The following DNAH6 variants were observed in gnomAD, a reference collection of about 807,000 sequenced individuals.
DNAH6 encodes the protein axonemal beta dynein heavy chain 6.
Under a neutral mutation model 491.4 loss-of-function variants are expected in DNAH6, and 340 were observed. That is an observed-to-expected ratio of 0.69 (90% CI 0.63 to 0.76). The LOEUF (loss-of-function observed/expected upper bound fraction) is 0.76, where lower values mean the gene tolerates loss of function less well. Among genes scored for constraint, DNAH6 ranks in the 30% least tolerant of loss-of-function variants. The pLI is 0.00. For missense variants in DNAH6, 4,443 were observed against 4,972.2 expected (o/e 0.89, Z 3.20); for synonymous variants, 1,603 against 1,686.1 (o/e 0.95, Z 1.21).
chr2:84,641,549 G>A lies in DNAH6; in HGVS notation c.4971-398G>A, dbSNP rs565589889. Among the ~76,000 whole-genome samples the A allele has an allele frequency of 3.7e-4, 56 of 152,304 alleles. No individual in the cohort carries two copies. In the South Asian group the frequency reaches 7.7e-3, roughly 21 times the overall value. Reference sequence around the variant, plus strand: ...TCACTGAGAAGGAGGATAGAGGACAGGAGCTTTCTAGAAAAGGGAGTCACT... The same window carrying A: ...TCACTGAGAAGGAGGATAGAGGACAAGAGCTTTCTAGAAAAGGGAGTCACT... On this transcript the variant is annotated intron_variant, in intron 32 of 76. Coordinates refer to ENST00000389394, the MANE Select transcript of DNAH6 (RefSeq NM_001370.2).
chr2:84,604,584 A>T (rs1007128167), intron 19 of DNAH6, 33 bp downstream of exon 19: 1 of 1,476,498 alleles, frequency 6.8e-7, no homozygotes, highest in Non-Finnish European at 9.1e-7. Context: ...TCTATATACC[A>T]TTAGGGAATG....
At chr2:84,509,069 A>G in the DNAH6 span, among the ~76,000 whole-genome samples, 1 of 152,186 alleles carries the variant, frequency 6.6e-6, no homozygotes, top group African/African-American at 2.4e-5. Context: ...AGAGTTCTGT[A>G]GATGTCTATT....
intron 64 of DNAH6, among the ~76,000 whole-genome samples, chr2:84,779,107 A>G (rs1676428158): frequency 6.6e-6 from 1 of 152,146 alleles, no homozygotes; most frequent in African/African-American, 2.4e-5. Flanking sequence ...AAAAAAATGT[A>G]TATTCTGTGG....
At chr2:84,579,466 A>G (rs1558745878) in intron 13 of DNAH6, 61 bp from the exon 14 acceptor site, 8 of 1,563,304 alleles carry the variant, frequency 5.1e-6, no homozygotes, top group Non-Finnish European at 7.0e-6. Context: ...GATTTGTCTG[A>G]AATACATAAT....
At chr2:84,577,231 T>C (rs775902403) in intron 12 of DNAH6, 26 bp from the exon 13 acceptor site, 17 of 1,449,372 alleles carry the variant, frequency 1.2e-5, no homozygotes, top group Non-Finnish European at 9.4e-7. Flanking sequence ...GTATATTTTA[T>C]GCTTTATGTG....
chr2:84,572,433 T>C (rs529972209), intron 11 of DNAH6, among the ~76,000 whole-genome samples: 27 of 152,366 alleles, frequency 1.8e-4, no homozygotes, highest in Middle Eastern at 3.4e-3. Flanking sequence ...ATATTGTTTC[T>C]AGCACCTGCA....
At chr2:84,573,383 CTTGTTTCT>C in intron 11 of DNAH6, 76 bp from the exon 12 acceptor site, 1 of 1,184,690 alleles carries the variant, frequency 8.4e-7, no homozygotes, top group Non-Finnish European at 1.2e-6. Flanking sequence ...TGTGTGCTTG[CTTGTTTCT>C]TTGTTTAGTT....
chr2:84,733,598 C>G lies in DNAH6; in HGVS notation c.10342+19C>G, dbSNP rs561539616. ...CGCTTAGGTAATGTGACAAAAAGAA[C>G]CTGCTGAGGAGGCTTATAAACAGGC... On this transcript the variant is annotated intron_variant, in intron 62 of 76. Transcript: ENST00000389394. 5 of 1,548,910 alleles carry G rather than the reference C, an allele frequency of 3.2e-6. No homozygotes were observed. In the East Asian group the frequency reaches 1.2e-4, roughly 38 times the overall value.
At chr2:84,812,302 C>A in intron 72 of DNAH6, 39 bp from the exon 73 acceptor site, 1 of 1,526,182 alleles carries the variant, frequency 6.6e-7, no homozygotes, top group Non-Finnish European at 8.9e-7. Context: ...TGGATAATGA[C>A]ATCTGCAAAG....
chr2:84,778,919 A>G (rs1676406991), intron 64 of DNAH6, among the ~76,000 whole-genome samples: 1 of 152,318 alleles, frequency 6.6e-6, no homozygotes, highest in African/African-American at 2.4e-5. Flanking sequence ...GTCACTCAGA[A>G]TAAAGTTGTT....
At position 84,700,954 on chromosome 2, in the gene DNAH6, C is replaced by G. The variant is rs1695846332; in HGVS notation, c.7819-143C>G. On this transcript the variant is annotated intron_variant, in intron 48 of 76. Transcript: ENST00000389394. ...GGACAGAGCCCTTCAGTTCATTAAG[C>G]ACCATAGACATGAGTAGGAGTTAAC... The G allele has an allele frequency of 1.3e-5, 12 of 936,610 alleles. No individual in the cohort carries two copies. In the South Asian group the frequency reaches 1.8e-4, roughly 14 times the overall value. 58.0% of individuals were successfully genotyped at this position (936,610 alleles called of 1,614,324 possible).
At chr2:84,474,294 C>CTA in the DNAH6 span, among the ~76,000 whole-genome samples, 3 of 152,164 alleles carry the variant, frequency 2.0e-5, no homozygotes, top group African/African-American at 7.2e-5. Context: ...CAAGTAGGCT[C>CTA]TATATGACCC....
chr2:84,638,066 C>A (rs1689039301), intron 31 of DNAH6, among the ~76,000 whole-genome samples: 1 of 151,292 alleles, frequency 6.6e-6, no homozygotes. Context: ...CCCGTCCCTA[C>A]CAAAAATATA....
intron 38 of DNAH6, 129 bp downstream of exon 38, chr2:84,669,639 A>G: frequency 1.3e-6 from 1 of 792,220 alleles, no homozygotes; most frequent in Admixed American, 2.4e-5. Flanking sequence ...TTTTGCAGGA[A>G]GAATATTATG....
the DNAH6 span, among the ~76,000 whole-genome samples, chr2:84,462,397 C>G: frequency 3.9e-5 from 6 of 152,308 alleles, no homozygotes; most frequent in Middle Eastern, 3.4e-3. Context: ...TATGTCATGC[C>G]TTCCTAAAAT....
chr2:84,690,346 G>A (rs1573496716), intron 45 of DNAH6, among the ~76,000 whole-genome samples: 1 of 152,138 alleles, frequency 6.6e-6, no homozygotes, highest in Non-Finnish European at 1.5e-5. Flanking sequence ...TATAACATAG[G>A]TTGTTTGTCA....
intron 3 of DNAH6, among the ~76,000 whole-genome samples, chr2:84,527,465 A>G (rs1315363250): frequency 6.6e-6 from 1 of 152,198 alleles, no homozygotes; most frequent in Non-Finnish European, 1.5e-5. Context: ...CTTAGAATGC[A>G]GTAAGACTTT....
chr2:84,517,939 A>T lies in DNAH6; in HGVS notation c.113A>T (p.Tyr38Phe), dbSNP rs2104397142. The T allele has an allele frequency of 1.3e-6, 2 of 1,551,592 alleles. No homozygotes were observed. Among genetic ancestry groups the T allele is most frequent in the South Asian group, 2.4e-5 (2 of 84,038 alleles). ...ATAAAAGCCAAACAAAGAGTGAGTT[A>T]TGTGACATCCACAGAAAATGAATCT... ...NNIKAKQRVS[Y>F]VTSTENESDT... The change falls in exon 2 of 77, where the codon TAT (tyrosine) becomes TTT (phenylalanine). Residue 38 changes from tyrosine to phenylalanine, a missense_variant. By Grantham distance (22) the Tyr-to-Phe change is conservative (BLOSUM62 3). Transcript: ENST00000389394.
At position 84,663,491 on chromosome 2, in the gene DNAH6, GT is replaced by G. The variant is rs1220058083; in HGVS notation, c.6084+4323del. On this transcript the variant is annotated intron_variant, in intron 37 of 76. Transcript: ENST00000389394. ...CCGATTCTATCAATTGGAAGAAAGG[GT>G]ATCAGAGATTGAAGATCAAATGAAT... Among the ~76,000 whole-genome samples the G allele has an allele frequency of 4.2e-3, 646 of 152,250 alleles. 3 individuals carry two copies. The highest frequency in any genetic ancestry group is 0.015 in the African/African-American group (605 of 41,546).
Sources: gnomAD v4.1 joint callset for allele counts (sites outside exome capture counted in the v4.1 genomes callset) on GRCh38, gnomAD v4.1.1 for gene constraint, MANE v1.5 for transcripts, NCBI Gene and HGNC (gene_info 2026-07-23, HGNC 2026-07-21) for gene names.